Variants in TNRC18 observed in about 807,000 individuals in gnomAD.
The protein encoded by TNRC18 is trinucleotide repeat containing 18.
Under a neutral mutation model 226.7 loss-of-function variants are expected in TNRC18, and 69 were observed. That is an observed-to-expected ratio of 0.30 (90% CI 0.25 to 0.37). TNRC18 has a LOEUF of 0.37. TNRC18 is among the 10% of genes least tolerant of loss of function. TNRC18 has a pLI of 1.00. For missense variants in TNRC18, 4,754 were observed against 4,256.6 expected, an observed-to-expected ratio of 1.12 and a Z score of -3.25; for synonymous variants, 2,449 against 1,927.6, an observed-to-expected ratio of 1.27 and a Z score of -7.09.
At chr7:5,318,299 G>A (rs1052521762) in intron 24 of TNRC18, among the ~76,000 whole-genome samples, 9 of 152,144 alleles carry the variant, frequency 5.9e-5, no homozygotes, top group East Asian at 1.9e-4. Context: ...GACTACAGAC[G>A]TGAGCCACCG....
At chr7:5,331,139 A>G (rs779708128) in intron 19 of TNRC18, among the ~76,000 whole-genome samples, 1 of 152,136 alleles carries the variant, frequency 6.6e-6, no homozygotes, top group Admixed American at 6.6e-5. Context: ...CAGGAAATCA[A>G]TGTGACTCTC....
At position 5,332,613 on chromosome 7, in the gene TNRC18, G is replaced by T. The variant is rs771811403; in HGVS notation, c.6147+9C>A. On this transcript the variant is annotated intron_variant, in intron 19 of 29. Transcript: ENST00000430969. ...CTTCTGCGGCACCCCCTCCCAGCGC[G>T]GCCCCTACCTTCCTGGGGTCCTTCC... 12 of 1,519,120 alleles carry T rather than the reference G, an allele frequency of 7.9e-6. No individual in the cohort carries two copies. The South Asian group carries it at 1.4e-4, about 17-fold the overall frequency. 94.1% of individuals were successfully genotyped at this position (1,519,120 alleles called of 1,614,324 possible).
chr7:5,308,039 A>G lies in TNRC18; in HGVS notation c.*67T>C. 2 of 1,439,612 alleles carry G rather than the reference A, an allele frequency of 1.4e-6. No homozygotes were observed. The highest frequency in any genetic ancestry group is 1.9e-6 in the Non-Finnish European group (2 of 1,057,182). The allele number at this position is 1,439,612 out of a possible 1,614,324, so 89.2% of individuals were successfully genotyped here. On this transcript the variant is annotated 3_prime_UTR_variant, in exon 30 of 30. Transcript: ENST00000430969. ...ACACAACGCACGTGGTCTCCGCGCC[A>G]TGGCAGTGATGGAGATGGGTCCCTG...
chr7:5,374,133 C>A lies in TNRC18; in HGVS notation c.3151G>T (p.Ala1051Ser). 1 of 1,563,146 alleles carries A rather than the reference C, an allele frequency of 6.4e-7. No homozygotes were observed. The highest frequency in any genetic ancestry group is 8.6e-7 in the Non-Finnish European group (1 of 1,158,430). ...TTCTTCTCGACCACATTCTCGGGAG[C>A]CTCCTCCTTGCGGGTGATACCCGGG... ...PTPGITRKEEAPENVVEKKDL... is the reference protein window; with the variant it reads ...PTPGITRKEESPENVVEKKDL... Residue 1051 changes from alanine (A) to serine (S), a missense_variant, in exon 10 of 30, where the codon GCT becomes TCT. Coordinates refer to ENST00000430969, the MANE Select transcript of TNRC18 (RefSeq NM_001080495.3).
At chr7:5,359,599 C>A (rs1365634027) in intron 14 of TNRC18, 30 bp from the exon 15 acceptor site, 26 of 1,612,160 alleles carry the variant, frequency 1.6e-5, no homozygotes, top group Non-Finnish European at 2.2e-5. Flanking sequence ...CCGGTCAGCA[C>A]CCTGGCCAGA....
Position 5,371,206 on chromosome 7 carries a change from C to T in TNRC18, c.3388G>A (p.Asp1130Asn). Residue 1130 changes from aspartate to asparagine, a missense_variant, in exon 11 of 30, where the codon GAC becomes AAC. Coordinates refer to ENST00000430969, the MANE Select transcript of TNRC18 (RefSeq NM_001080495.3). Reference sequence around the variant, plus strand: ...GAGGGGGACAAGCGGATGGGCTTGTCTTCGGGTGAGAGTGCCAGGCGCTCG... The same window carrying T: ...GAGGGGGACAAGCGGATGGGCTTGTTTTCGGGTGAGAGTGCCAGGCGCTCG... The part of the protein sequence containing the change: ...GPERLALSPE[D>N]KPIRLSPSKI... 1 of 1,605,614 alleles carries T rather than the reference C, an allele frequency of 6.2e-7. No homozygotes were observed. The highest frequency in any genetic ancestry group is 8.5e-7 in the Non-Finnish European group (1 of 1,174,278).
rs888629814 is a variant in TNRC18, at chr7:5,332,782, C to A, written c.5987G>T (p.Arg1996Leu). 6.6e-7 allele frequency: 1 copy of A among 1,513,838 alleles called. No homozygotes were observed. The highest frequency in any genetic ancestry group is 8.8e-7 in the Non-Finnish European group (1 of 1,138,204). 93.8% of individuals were successfully genotyped at this position (1,513,838 alleles called of 1,614,324 possible). Residue 1996 changes from arginine to leucine, a missense_variant, in exon 19 of 30, where the codon CGG becomes CTG. By Grantham distance (102) the Arg-to-Leu change is moderately radical. Coordinates refer to ENST00000430969, the MANE Select transcript of TNRC18 (RefSeq NM_001080495.3). ...CAGGAAGATGCGCTCGCTGCGGCGC[C>A]GCGTCCACAGGTCGTCGTCGCTGGC... ...PEASDDDLWTRRRSERIFLHD... is the reference protein window; with the variant it reads ...PEASDDDLWTLRRSERIFLHD...
At position 5,370,370 on chromosome 7, in the gene TNRC18, C is replaced by G; in HGVS notation, c.4219+5G>C. The stretch of plus-strand genomic sequence containing the variant: ...CTGCAGAACTCAGAGGTCGCGCACT[C>G]TCACCTCCCATCTCTTGGCTCCTCC... On this transcript the variant is annotated splice_donor_5th_base_variant and intron_variant, in intron 11 of 29. Transcript: ENST00000430969. 2 of 1,540,828 alleles carry G rather than the reference C, an allele frequency of 1.3e-6. No homozygotes were observed. The highest frequency in any genetic ancestry group is 1.8e-6 in the Non-Finnish European group (2 of 1,142,674).
At chr7:5,316,127 A>T in intron 24 of TNRC18, 55 bp from the exon 25 acceptor site, 12 of 1,397,444 alleles carry the variant, frequency 8.6e-6, no homozygotes, top group Non-Finnish European at 1.2e-5. Context: ...CTCCCTAGTG[A>T]CGCACAAGGG....
intron 2 of TNRC18, among the ~76,000 whole-genome samples, chr7:5,415,264 C>T (rs1414358492): frequency 6.6e-6 from 1 of 152,108 alleles, no homozygotes; most frequent in Non-Finnish European, 1.5e-5. Flanking sequence ...AAAAGGTCAC[C>T]CCTCCAGATC....
chr7:5,310,240 T>C (rs1253437620), intron 27 of TNRC18, among the ~76,000 whole-genome samples: 1 of 152,060 alleles, frequency 6.6e-6, no homozygotes, highest in African/African-American at 2.4e-5. Context: ...ATTATTATTA[T>C]TCTTTTTGAG....
chr7:5,374,139 C>T lies in TNRC18; in HGVS notation c.3145G>A (p.Glu1049Lys), dbSNP rs753346071. 3 of 1,408,838 alleles carry T rather than the reference C, an allele frequency of 2.1e-6. No individual in the cohort carries two copies. The highest frequency in any genetic ancestry group is 2.4e-5 in the South Asian group (2 of 81,784). 87.3% of individuals were successfully genotyped at this position (1,408,838 alleles called of 1,614,324 possible). The change falls in exon 10 of 30, where the codon GAG becomes AAG. Residue 1049 changes from glutamate to lysine, a missense_variant. Glu to Lys is a moderately conservative substitution (Grantham distance 56, BLOSUM62 1). Coordinates refer to ENST00000430969, the MANE Select transcript of TNRC18 (RefSeq NM_001080495.3). Reference protein sequence around the residue: ...PPPTPGITRKEEAPENVVEKK... With the variant: ...PPPTPGITRKKEAPENVVEKK... ...TCGACCACATTCTCGGGAGCCTCCTCCTTGCGGGTGATACCCGGGGTGGGC... is the reference window on the plus strand; with the variant it reads ...TCGACCACATTCTCGGGAGCCTCCTTCTTGCGGGTGATACCCGGGGTGGGC...
intron 16 of TNRC18, 117 bp from the exon 17 acceptor site, chr7:5,352,211 G>C (rs766779242): frequency 2.7e-6 from 3 of 1,095,140 alleles, no homozygotes; most frequent in Non-Finnish European, 3.8e-6. Flanking sequence ...AAACAGGTCC[G>C]AATACCTAGT....
At position 5,315,219 on chromosome 7, in the gene TNRC18, T is replaced by C. The variant is rs1432905497; in HGVS notation, c.6863-71A>G. ...GCTTGGAGCTTCCAAGACCCTGGTC[T>C]GTCCCGGGGATCAGGGATGGGGGCG... On this transcript the variant is annotated intron_variant, in intron 25 of 29. Coordinates refer to ENST00000430969, the MANE Select transcript of TNRC18 (RefSeq NM_001080495.3). 6.0e-6 allele frequency: 9 copies of C among 1,494,632 alleles called. No individual in the cohort carries two copies. In the Admixed American group the frequency reaches 1.9e-4, roughly 32 times the overall value. 92.6% of individuals were successfully genotyped at this position (1,494,632 alleles called of 1,614,324 possible).
chr7:5,337,961 C>T (rs1242286558), intron 18 of TNRC18, among the ~76,000 whole-genome samples: 6 of 151,650 alleles, frequency 4.0e-5, no homozygotes, highest in Non-Finnish European at 5.9e-5. Context: ...CCAGCCTGGG[C>T]GACAGAGTGA....
chr7:5,370,225 G>T, intron 11 of TNRC18, 150 bp downstream of exon 11: 1 of 928,196 alleles, frequency 1.1e-6, no homozygotes, highest in Non-Finnish European at 1.6e-6. Context: ...GGGGAGGCTG[G>T]GGAGGGAAGA....
Position 5,387,970 on chromosome 7 carries a change from G to A in TNRC18, c.1854C>T (p.Thr618=), listed in dbSNP as rs1055740473. 7 of 1,596,474 alleles carry A rather than the reference G, an allele frequency of 4.4e-6. No individual in the cohort carries two copies. In the African/African-American group the frequency reaches 9.4e-5, roughly 21 times the overall value. ...AGGTGGGCGCAGGCTCGGGTTTCAT[G>A]GTGCCCAAACCTCCAAAGGGGCTCT... is the stretch of plus-strand genomic sequence containing the variant. ...GKKSPFGGLG[T]MKPEPAPTSA... The change falls in exon 5 of 30, where the codon ACC becomes ACT. Residue 618 remains threonine (T), a synonymous_variant. Transcript: ENST00000430969.
intron 2 of TNRC18, among the ~76,000 whole-genome samples, chr7:5,402,451 CTT>C (rs1360730678): frequency 5.9e-5 from 9 of 152,154 alleles, no homozygotes; most frequent in African/African-American, 2.2e-4. Flanking sequence ...GGGAGAATGA[CTT>C]GAGCCCAGGA....
At chr7:5,391,837 A>C (rs1200875226) in intron 3 of TNRC18, among the ~76,000 whole-genome samples, 1 of 46,916 alleles carries the variant, frequency 2.1e-5, no homozygotes, top group Non-Finnish European at 3.5e-5. Context: ...TCTCTATTTA[A>C]AAAAAAAAAA....
Sources: gnomAD v4.1 joint callset for allele counts (sites outside exome capture counted in the v4.1 genomes callset) on GRCh38, gnomAD v4.1.1 for gene constraint, MANE v1.5 for transcripts, NCBI Gene and HGNC (gene_info 2026-07-23, HGNC 2026-07-21) for gene names.